TASP1: variants seen among roughly 807,000 people sequenced by gnomAD.
The protein encoded by TASP1 is threonine aspartase 1.
Under a neutral mutation model 56.6 loss-of-function variants are expected in TASP1, and 16 were observed. That is an observed-to-expected ratio of 0.28 (90% confidence interval 0.19 to 0.43). The LOEUF is 0.43. Ranked by LOEUF, TASP1 falls within the 20% of genes least tolerant of loss-of-function variation. The pLI, the probability that TASP1 is intolerant of heterozygous loss-of-function variation, is 1.00. For missense variants in TASP1, 393 were observed against 511.6 expected (o/e 0.77, Z 2.24); for synonymous variants, 179 against 184.2 (o/e 0.97, Z 0.23).
chr20:13,267,622 G>A, the TASP1 span, among the ~76,000 whole-genome samples: 11 of 152,282 alleles, frequency 7.2e-5, no homozygotes, highest in South Asian at 2.3e-3. Flanking sequence ...GCACTCTGTG[G>A]TGGTGAATTT....
intron 2 of TASP1, among the ~76,000 whole-genome samples, chr20:13,627,041 C>T (rs944355411): frequency 6.6e-6 from 1 of 152,050 alleles, no homozygotes; most frequent in African/African-American, 2.4e-5. Context: ...TTTGTTTGCA[C>T]TGTGTTTAAA....
chr20:13,392,937 C>A, intron 13 of TASP1: 1 of 620,918 alleles, frequency 1.6e-6, no homozygotes, highest in Non-Finnish European at 3.0e-6. Flanking sequence ...TCAAATGGGG[C>A]CATGCTGGTG....
the TASP1 span, chr20:13,288,675 A>T: frequency 6.2e-7 from 1 of 1,613,754 alleles, no homozygotes; most frequent in Non-Finnish European, 8.5e-7. Context: ...GACCGTCCAA[A>T]CTGCCCAGGT....
At chr20:13,541,843 C>A (rs1291439771) in intron 8 of TASP1, among the ~76,000 whole-genome samples, 5 of 151,872 alleles carry the variant, frequency 3.3e-5, no homozygotes, top group Admixed American at 2.0e-4. Flanking sequence ...GGCAAACCTG[C>A]ATATAAATTA....
At chr20:13,125,560 G>A in the TASP1 span, among the ~76,000 whole-genome samples, 2 of 152,176 alleles carry the variant, frequency 1.3e-5, no homozygotes, top group African/African-American at 4.8e-5. Context: ...AATGTGGGCT[G>A]GGCTCAGCTA....
the TASP1 span, among the ~76,000 whole-genome samples, chr20:13,329,140 G>A: frequency 1.3e-5 from 2 of 152,224 alleles, no homozygotes; most frequent in Non-Finnish European, 2.9e-5. Context: ...TGAAGCTATT[G>A]TTAATAATTG....
chr20:13,592,458 G>A (rs1261023058), intron 4 of TASP1, among the ~76,000 whole-genome samples: 1 of 151,578 alleles, frequency 6.6e-6, no homozygotes, highest in African/African-American at 2.4e-5. Flanking sequence ...CTCACTGACT[G>A]TCAGAAAACT....
At chr20:13,366,084 A>T in the TASP1 span, among the ~76,000 whole-genome samples, 1 of 152,164 alleles carries the variant, frequency 6.6e-6, no homozygotes, top group Admixed American at 6.6e-5. Flanking sequence ...TTCTGGGGAG[A>T]GAACAGTTTG....
In TASP1 at chr20:13,439,850, G is replaced by GA. The variant is rs530369996; in HGVS notation, c.986-4697dup. Among the ~76,000 whole-genome samples the GA allele has an allele frequency of 2.6e-5, 4 of 151,828 alleles. No homozygotes were observed. The South Asian group carries it at 8.3e-4, about 32-fold the overall frequency. ...ACAGGAGTTTTAGAAAGAGAGACTAGAAAAAATAAAAGGAGTAAAATTTCA... is the reference window on the plus strand; with the variant it reads ...ACAGGAGTTTTAGAAAGAGAGACTAGAAAAAAATAAAAGGAGTAAAATTTCA... On this transcript the variant is annotated intron_variant, in intron 11 of 13. Coordinates refer to ENST00000337743, the MANE Select transcript of TASP1 (RefSeq NM_017714.3).
the TASP1 span, among the ~76,000 whole-genome samples, chr20:13,340,662 G>A: frequency 6.6e-6 from 1 of 151,882 alleles, no homozygotes; most frequent in Non-Finnish European, 1.5e-5. Context: ...CATGTTTTAG[G>A]GGTTATAAGC....
intron 4 of TASP1, among the ~76,000 whole-genome samples, chr20:13,601,576 A>G (rs1204853485): frequency 6.6e-6 from 1 of 152,212 alleles, no homozygotes; most frequent in Non-Finnish European, 1.5e-5. Flanking sequence ...TTGCAAAAGA[A>G]TTCCAAAAAT....
chr20:13,385,164 T>C (rs964683769), downstream of TASP1, among the ~76,000 whole-genome samples: 5 of 152,216 alleles, frequency 3.3e-5, no homozygotes, highest in African/African-American at 1.2e-4. Flanking sequence ...GAAAATGTGT[T>C]CGTGACACAG....
At chr20:13,244,794 G>C in the TASP1 span, among the ~76,000 whole-genome samples, 1 of 152,166 alleles carries the variant, frequency 6.6e-6, no homozygotes, top group Non-Finnish European at 1.5e-5. Flanking sequence ...ATGTGTAAAA[G>C]GGAAAGGTGT....
the TASP1 span, among the ~76,000 whole-genome samples, chr20:13,113,196 AC>A: frequency 6.6e-6 from 1 of 152,236 alleles, no homozygotes; most frequent in Admixed American, 6.5e-5. Context: ...AACAACAACA[AC>A]AAAAAATTAT....
intron 4 of TASP1, among the ~76,000 whole-genome samples, chr20:13,590,680 A>G (rs2047493911): frequency 6.6e-6 from 1 of 152,012 alleles, no homozygotes; most frequent in African/African-American, 2.4e-5. Context: ...AGCCTGGCCA[A>G]CATGGTGAAA....
At chr20:13,112,296 G>A in the TASP1 span, among the ~76,000 whole-genome samples, 1 of 152,252 alleles carries the variant, frequency 6.6e-6, no homozygotes, top group East Asian at 1.9e-4. Flanking sequence ...GCTCTCACCT[G>A]GAGTGCCATG....
At chr20:13,309,736 A>G in the TASP1 span, among the ~76,000 whole-genome samples, 1 of 152,230 alleles carries the variant, frequency 6.6e-6, no homozygotes, top group Non-Finnish European at 1.5e-5. Flanking sequence ...ATTAATAAAC[A>G]AATTCAGTAA....
At chr20:13,292,451 C>A in the TASP1 span, 7 of 1,597,584 alleles carry the variant, frequency 4.4e-6, no homozygotes, top group Non-Finnish European at 6.0e-6. Flanking sequence ...TGCCACCAAA[C>A]TGTTTGAAGT....
chr20:13,392,544 T>C (rs1477792731), intron 13 of TASP1: 1 of 257,946 alleles, frequency 3.9e-6, no homozygotes, highest in Non-Finnish European at 7.7e-6. Context: ...ACTCCGGAAA[T>C]GCTGAGTGGG....
Sources: allele counts gnomAD v4.1 joint callset (sites outside exome capture counted in the v4.1 genomes callset), GRCh38; gene constraint gnomAD v4.1.1; transcripts MANE v1.5; gene names NCBI Gene and HGNC (gene_info 2026-07-23, HGNC 2026-07-21).